The following SYMPK variants were observed in gnomAD, a reference collection of about 807,000 sequenced individuals.
SYMPK encodes the protein symplekin scaffold protein.
In SYMPK, 49 loss-of-function variants were observed where a neutral mutation model predicts 136.4. The ratio of observed to expected loss-of-function variants is 0.36; its 90% CI spans 0.29 to 0.46. The LOEUF is 0.46. Ranked by LOEUF, SYMPK falls within the 20% of genes least tolerant of loss-of-function variation. SYMPK has a pLI of 1.00. For synonymous variants in SYMPK, 766 were observed against 713.0 expected (o/e 1.07, Z -1.19); for missense variants, 1,365 against 1,690.0 (o/e 0.81, Z 3.37).
In SYMPK at chr19:45,815,910, C is replaced by T. The variant is rs1211464607; in HGVS notation, c.3628G>A (p.Asp1210Asn). The T allele has an allele frequency of 6.2e-7, 1 of 1,612,332 alleles. No homozygotes were observed. The highest frequency in any genetic ancestry group is 8.5e-7 in the Non-Finnish European group (1 of 1,179,892). ...AGCGCGGCCTCGGTCAGCCCCGAGTCGTCATCCATGCTGATGAAGATGCCC... is the reference window on the plus strand; with the variant it reads ...AGCGCGGCCTCGGTCAGCCCCGAGTTGTCATCCATGCTGATGAAGATGCCC... ...TPGIFISMDD[D>N]SGLTEAALLD... The change falls in exon 26 of 27, where the codon GAC (aspartate) becomes AAC (asparagine). Residue 1210 changes from aspartate to asparagine, a missense_variant. Physicochemically the swap from Asp to Asn is conservative, Grantham distance 23. Coordinates refer to ENST00000245934, the MANE Select transcript of SYMPK (RefSeq NM_004819.3).
chr19:45,862,853 G>A (rs547313615), intron 1 of SYMPK, among the ~76,000 whole-genome samples: 2 of 152,360 alleles, frequency 1.3e-5, no homozygotes, highest in East Asian at 3.9e-4. Flanking sequence ...GAGGTCTGCG[G>A]GGCGGTGGCG....
chr19:45,829,995 G>A, intron 13 of SYMPK, 59 bp downstream of exon 13: 1 of 1,502,674 alleles, frequency 6.7e-7, no homozygotes, highest in Middle Eastern at 2.0e-4. Context: ...CGCTGGATGT[G>A]AGGTAGACGT....
chr19:45,823,836 G>A lies in SYMPK; in HGVS notation c.2530C>T (p.Leu844=). Residue 844 remains leucine, a synonymous_variant, in exon 19 of 27, where the codon CTG becomes TTG. Transcript: ENST00000245934. ...MGMNSPELLL[L]VENCPKGAET... is the part of the protein sequence containing the mutation. ...GCTCCCTTGGGACAATTTTCCACCAGCAGGAGCAGCTCCGGGGAGTTCATG... is the reference window on the plus strand; with the variant it reads ...GCTCCCTTGGGACAATTTTCCACCAACAGGAGCAGCTCCGGGGAGTTCATG... 6.2e-7 allele frequency: 1 copy of A among 1,614,140 alleles called. No homozygotes were observed. The highest frequency in any genetic ancestry group is 8.5e-7 in the Non-Finnish European group (1 of 1,180,022).
intron 1 of SYMPK, among the ~76,000 whole-genome samples, chr19:45,857,424 A>C (rs1357396264): frequency 7.9e-5 from 12 of 151,026 alleles, no homozygotes; most frequent in South Asian, 4.2e-4. Context: ...AAAAAAAAAA[A>C]AAAAAAAAAA....
intron 20 of SYMPK, 100 bp downstream of exon 20, chr19:45,823,272 G>C (rs1043547157): frequency 1.7e-6 from 2 of 1,211,010 alleles, no homozygotes; most frequent in Non-Finnish European, 2.4e-6. Flanking sequence ...CCTCTGCTAT[G>C]TGCCTCTGGC....
In SYMPK at chr19:45,816,391, G is replaced by C. The variant is rs1027777661; in HGVS notation, c.3354+91C>G. 92 of 1,474,054 alleles carry C rather than the reference G, an allele frequency of 6.2e-5. No homozygotes were observed. The Admixed American group carries it at 7.7e-4, about 12-fold the overall frequency. The allele number at this position is 1,474,054 out of a possible 1,614,324, so 91.3% of individuals were successfully genotyped here. A position where few individuals can be genotyped will look rare whatever the true frequency, so the allele number is the denominator to read the frequency against. ...GAGGCAGGGGTGGCCTGAGTCTCTC[G>C]GGGTCAGGAGGAGGCCATGGTGAGC... On this transcript the variant is annotated intron_variant, in intron 25 of 26. Coordinates refer to ENST00000245934, the MANE Select transcript of SYMPK (RefSeq NM_004819.3).
intron 11 of SYMPK, 44 bp downstream of exon 11, chr19:45,835,034 C>T: frequency 6.8e-7 from 1 of 1,467,064 alleles, no homozygotes; most frequent in East Asian, 2.4e-5. Flanking sequence ...CCAGAAGCCA[C>T]AAGTGCCAAT....
chr19:45,822,474 C>G (rs910807294), intron 21 of SYMPK, among the ~76,000 whole-genome samples: 8 of 152,120 alleles, frequency 5.3e-5, no homozygotes, highest in Admixed American at 5.2e-4. Context: ...TGGAGCCGGG[C>G]CTGAGAGGGG....
chr19:45,834,756 C>G (rs1336202248), intron 11 of SYMPK, among the ~76,000 whole-genome samples: 1 of 152,188 alleles, frequency 6.6e-6, no homozygotes, highest in Non-Finnish European at 1.5e-5. Context: ...CTGCATTTCA[C>G]TTATGTGTAT....
intron 5 of SYMPK, among the ~76,000 whole-genome samples, chr19:45,849,763 T>G (rs1275843909): frequency 6.6e-6 from 1 of 152,130 alleles, no homozygotes; most frequent in Non-Finnish European, 1.5e-5. Flanking sequence ...ATCCCAGCCT[T>G]GGCCAGGCGC....
intron 1 of SYMPK, among the ~76,000 whole-genome samples, chr19:45,859,000 T>G (rs1019021038): frequency 3.3e-5 from 5 of 151,570 alleles, no homozygotes; most frequent in Non-Finnish European, 5.9e-5. Context: ...CTTGAACTCC[T>G]GCACTCAAGC....
intron 25 of SYMPK, 132 bp downstream of exon 25, chr19:45,816,350 G>C: frequency 7.7e-7 from 1 of 1,306,382 alleles, no homozygotes. Flanking sequence ...GCATCCCCTG[G>C]GAGACGGGTG....
At chr19:45,860,519 A>T (rs533053949) in intron 1 of SYMPK, among the ~76,000 whole-genome samples, 22 of 152,228 alleles carry the variant, frequency 1.4e-4, no homozygotes, top group Non-Finnish European at 2.8e-4. Context: ...AAAGAGAGAG[A>T]GAGAACACTT....
chr19:45,829,208 G>T lies in SYMPK; in HGVS notation c.1750-3C>A, dbSNP rs771343258. ...CTGGCCAGGATCTTTATGCGGACCT[G>T]GTGGGAGGGTGAGCCAGCATGTCAG... On this transcript the variant is annotated splice_polypyrimidine_tract_variant and splice_region_variant and intron_variant, in intron 13 of 26. Transcript: ENST00000245934. The T allele has an allele frequency of 2.4e-5, 38 of 1,611,072 alleles. No individual in the cohort carries two copies. Among genetic ancestry groups the T allele is most frequent in the Non-Finnish European group, 3.1e-5 (37 of 1,177,456 alleles).
intron 7 of SYMPK, among the ~76,000 whole-genome samples, chr19:45,847,435 A>G (rs1156395049): frequency 6.6e-6 from 1 of 152,028 alleles, no homozygotes; most frequent in East Asian, 1.9e-4. Flanking sequence ...AAAAAAAAAA[A>G]AAGAAAACCA....
intron 10 of SYMPK, among the ~76,000 whole-genome samples, chr19:45,835,804 C>T (rs1393664772): frequency 6.6e-6 from 1 of 151,900 alleles, no homozygotes. Flanking sequence ...CCCAGCTACT[C>T]GGGAGGCTGA....
Position 45,838,319 on chromosome 19 carries a change from C to T in SYMPK, c.1242+142G>A, listed in dbSNP as rs1600513565. 9 of 1,067,858 alleles carry T rather than the reference C, an allele frequency of 8.4e-6. No homozygotes were observed. In the East Asian group the frequency reaches 2.4e-4, roughly 28 times the overall value. 66.1% of individuals were successfully genotyped at this position (1,067,858 alleles called of 1,614,324 possible). ...CACGCTTCCTATACAGCCTGCAGAA[C>T]TGTAAGCCAATTAAACCCCTTTTCT... On this transcript the variant is annotated intron_variant, in intron 10 of 26. Coordinates refer to ENST00000245934, the MANE Select transcript of SYMPK (RefSeq NM_004819.3).
Position 45,821,556 on chromosome 19 carries a change from C to T in SYMPK, c.2792-71G>A. The T allele has an allele frequency of 9.5e-7, 1 of 1,053,646 alleles. No homozygotes were observed. The highest frequency in any genetic ancestry group is 1.4e-6 in the Non-Finnish European group (1 of 695,562). The allele number at this position is 1,053,646 out of a possible 1,614,324, so 65.3% of individuals were successfully genotyped here. A position where few individuals can be genotyped will look rare whatever the true frequency, so the allele number is the denominator to read the frequency against. On this transcript the variant is annotated intron_variant, in intron 21 of 26. Coordinates refer to ENST00000245934, the MANE Select transcript of SYMPK (RefSeq NM_004819.3). This position sits in a 1 kb window ranked among gnomAD's most constrained non-coding sequence, Gnocchi z 4.4. ...TAAGTGAAGAGATGGGTCTGAGTTC[C>T]CCAGATCGGGGGAGCTGCGAGCAAA...
chr19:45,821,944 G>A lies in SYMPK; in HGVS notation c.2792-459C>T, dbSNP rs1430377497. Among the ~76,000 whole-genome samples, 1 of 152,100 alleles carries A rather than the reference G, an allele frequency of 6.6e-6. No individual in the cohort carries two copies. The highest frequency in any genetic ancestry group is 1.5e-5 in the Non-Finnish European group (1 of 68,010). On this transcript the variant is annotated intron_variant, in intron 21 of 26. Transcript: ENST00000245934. The surrounding 1 kb of genome is among the most constrained non-coding windows in gnomAD (Gnocchi z 4.4). ...CTGGGGGAGTGGAGGGGAGGCTGGT[G>A]GAGTGGCTCTTTGCTGCTGCTATTT...
Sources: allele counts gnomAD v4.1 joint callset (sites outside exome capture counted in the v4.1 genomes callset), GRCh38; gene constraint gnomAD v4.1.1; non-coding constraint Gnocchi (gnomAD v3.1); transcripts MANE v1.5; gene names NCBI Gene and HGNC (gene_info 2026-07-23, HGNC 2026-07-21).